The following KAZN variants were observed in gnomAD, a reference collection of about 807,000 sequenced individuals.
KAZN encodes the protein kazrin, periplakin interacting protein.
A neutral mutation model predicts 87.4 loss-of-function variants in KAZN; 40 were observed. The observed-to-expected ratio is 0.46, with a 90% CI of 0.36 to 0.60. KAZN has a LOEUF of 0.60. Among genes scored for constraint, KAZN ranks in the 20% least tolerant of loss-of-function variants. The pLI, the probability that KAZN is intolerant of heterozygous loss-of-function variation, is 0.00. For synonymous variants in KAZN, 466 were observed against 458.3 expected (o/e 1.02, Z -0.22); for missense variants, 898 against 1,073.9 (o/e 0.84, Z 2.29).
chr1:14,087,033 G>T (rs1643874542), intron 1 of KAZN, among the ~76,000 whole-genome samples: 1 of 152,072 alleles, frequency 6.6e-6, no homozygotes, highest in Non-Finnish European at 1.5e-5. Context: ...CTATCATTAG[G>T]TTGTGAATTT....
At chr1:14,549,305 C>T (rs548918865) in intron 2 of KAZN, among the ~76,000 whole-genome samples, 1 of 152,280 alleles carries the variant, frequency 6.6e-6, no homozygotes, top group Non-Finnish European at 1.5e-5. Flanking sequence ...CTGTGCCCAG[C>T]TAAAAATACT....
intron 2 of KAZN, among the ~76,000 whole-genome samples, chr1:14,263,433 A>C (rs1651233394): frequency 6.6e-6 from 1 of 152,140 alleles, no homozygotes; most frequent in Non-Finnish European, 1.5e-5. Context: ...ATTAGACAGG[A>C]TAATTGGGGA....
At chr1:14,532,055 A>G (rs940228664) in intron 2 of KAZN, among the ~76,000 whole-genome samples, 1 of 152,088 alleles carries the variant, frequency 6.6e-6, no homozygotes, top group Non-Finnish European at 1.5e-5. Context: ...CCGGCTTAAG[A>G]CAAAAGAAGT....
At chr1:14,724,934 G>C (rs753660066) in intron 1 of KAZN, among the ~76,000 whole-genome samples, 1 of 152,220 alleles carries the variant, frequency 6.6e-6, no homozygotes, top group Non-Finnish European at 1.5e-5. Flanking sequence ...AGCATCCCAA[G>C]TATGAGTCAA....
chr1:14,006,579 A>T (rs1362922521), intron 1 of KAZN, among the ~76,000 whole-genome samples: 2 of 152,152 alleles, frequency 1.3e-5, no homozygotes, highest in African/African-American at 4.8e-5. Flanking sequence ...TTTTCTTAAC[A>T]TCATTTATTG....
chr1:14,219,151 C>A (rs909874883), intron 2 of KAZN, among the ~76,000 whole-genome samples: 1 of 151,858 alleles, frequency 6.6e-6, no homozygotes, highest in East Asian at 1.9e-4. Context: ...AACCTGTAGA[C>A]TAATAGAGAC....
intron 2 of KAZN, among the ~76,000 whole-genome samples, chr1:14,582,380 C>T (rs970433589): frequency 3.9e-5 from 6 of 152,158 alleles, no homozygotes; most frequent in African/African-American, 1.4e-4. Flanking sequence ...CCAATTTTAG[C>T]TTGTCTCTTC....
chr1:14,831,530 C>T (rs558826396), intron 1 of KAZN, among the ~76,000 whole-genome samples: 6 of 152,000 alleles, frequency 3.9e-5, no homozygotes, highest in Non-Finnish European at 8.8e-5. Flanking sequence ...TGTTGCTTTC[C>T]GTTCAGCAGT....
In KAZN at chr1:13,893,722, C is replaced by T. The variant is rs753044108; in HGVS notation, c.57C>T (p.His19=). 3.2e-6 allele frequency: 5 copies of T among 1,550,532 alleles called. No homozygotes were observed. In the South Asian group the frequency reaches 3.6e-5, roughly 11 times the overall value. Residue 19 remains histidine, a synonymous_variant, in exon 1 of 17, where the codon CAC becomes CAT. Coordinates refer to the KAZN transcript ENST00000636203. ...CCACAGGCCCCGTCACCTTCTCCCACGTCTTTGGTCAGCAGTGCCAACTTA... is the reference window on the plus strand; with the variant it reads ...CCACAGGCCCCGTCACCTTCTCCCATGTCTTTGGTCAGCAGTGCCAACTTA...
In KAZN at chr1:14,473,488, A is replaced by T. The variant is rs1668559140; in HGVS notation, c.250-125495A>T. 2.6e-5 allele frequency among the ~76,000 whole-genome samples: 4 copies of T among 152,156 alleles called. No homozygotes were observed. In the South Asian group the frequency reaches 8.3e-4, roughly 32 times the overall value. Reference sequence around the variant, plus strand: ...CGAAAAATACAAAAATTAGCTGGGCATGGTGGCATATGCCTGTAGTTCCAG... The same window carrying T: ...CGAAAAATACAAAAATTAGCTGGGCTTGGTGGCATATGCCTGTAGTTCCAG... On this transcript the variant is annotated intron_variant, in intron 2 of 16. Coordinates refer to the KAZN transcript ENST00000636203.
At chr1:14,258,018 A>G (rs898093082) in intron 2 of KAZN, among the ~76,000 whole-genome samples, 11 of 149,974 alleles carry the variant, frequency 7.3e-5, no homozygotes, top group African/African-American at 1.7e-4. Context: ...AGAATGGGGG[A>G]AAAATTAGAC....
chr1:14,138,526 C>T (rs1324633697), intron 1 of KAZN, among the ~76,000 whole-genome samples: 3 of 152,186 alleles, frequency 2.0e-5, no homozygotes, highest in African/African-American at 7.2e-5. Context: ...GGGATTCCCT[C>T]AGACCAATTC....
rs746703052 is a variant in KAZN at position 14,136,320 on chromosome 1, C to A, written c.92-44115C>A. ...GGGTAAACTATTTAGCCTCACGGGGCCTCAGATGCCCCCCTGTGAAGTAGG... is the reference window on the plus strand; with the variant it reads ...GGGTAAACTATTTAGCCTCACGGGGACTCAGATGCCCCCCTGTGAAGTAGG... On this transcript the variant is annotated intron_variant, in intron 1 of 16. Coordinates refer to the KAZN transcript ENST00000636203. Among the ~76,000 whole-genome samples the A allele has an allele frequency of 6.7e-4, 102 of 152,236 alleles. 1 individual carries two copies. Among genetic ancestry groups the A allele is most frequent in the Admixed American group, 1.2e-3 (18 of 15,298 alleles).
chr1:14,788,793 G>A (rs1399523459), intron 1 of KAZN, among the ~76,000 whole-genome samples: 2 of 152,076 alleles, frequency 1.3e-5, no homozygotes, highest in Non-Finnish European at 2.9e-5. Context: ...GTACACGTGG[G>A]AGGTCACTTG....
intron 1 of KAZN, among the ~76,000 whole-genome samples, chr1:14,779,533 T>C (rs1392341320): frequency 6.6e-6 from 1 of 151,730 alleles, no homozygotes; most frequent in East Asian, 1.9e-4. Context: ...CCATGATGGA[T>C]TGACATCGGC....
intron 1 of KAZN, among the ~76,000 whole-genome samples, chr1:14,694,652 T>A (rs1227906843): frequency 6.6e-6 from 1 of 152,126 alleles, no homozygotes; most frequent in Non-Finnish European, 1.5e-5. Flanking sequence ...TGGAAATAGA[T>A]CATCTGGGCT....
chr1:13,994,486 G>A (rs931576456), intron 1 of KAZN, among the ~76,000 whole-genome samples: 1 of 152,190 alleles, frequency 6.6e-6, no homozygotes, highest in African/African-American at 2.4e-5. Context: ...ATTAAAATGA[G>A]TTGCTGAAGT....
intron 1 of KAZN, among the ~76,000 whole-genome samples, chr1:14,892,884 C>T (rs1654868779): frequency 6.6e-6 from 1 of 152,174 alleles, no homozygotes; most frequent in South Asian, 2.1e-4. Flanking sequence ...AAGGAATGGA[C>T]AGAGGAAGGA....
chr1:13,976,629 A>C (rs1638371038), intron 1 of KAZN, among the ~76,000 whole-genome samples: 1 of 152,074 alleles, frequency 6.6e-6, no homozygotes, highest in African/African-American at 2.4e-5. Flanking sequence ...ATTACACTGG[A>C]ACACCTGTGG....
Sources: allele counts gnomAD v4.1 joint callset (sites outside exome capture counted in the v4.1 genomes callset), GRCh38; gene constraint gnomAD v4.1.1; transcripts MANE v1.5; gene names NCBI Gene and HGNC (gene_info 2026-07-23, HGNC 2026-07-21).